The following SEMA6D variants were observed in gnomAD, a reference collection of about 807,000 sequenced individuals.
The protein encoded by SEMA6D is semaphorin 6D.
Under a neutral mutation model 106.6 loss-of-function variants are expected in SEMA6D, and 35 were observed. That is an observed-to-expected ratio of 0.33 (90% CI 0.25 to 0.44). The LOEUF (loss-of-function observed/expected upper bound fraction) is 0.44, where lower values mean the gene tolerates loss of function less well. Ranked by LOEUF, SEMA6D falls within the 20% of genes least tolerant of loss-of-function variation. SEMA6D has a pLI of 1.00. For missense variants in SEMA6D, 1,185 were observed against 1,345.9 expected (o/e 0.88, Z 1.87); for synonymous variants, 499 against 487.7 (o/e 1.02, Z -0.31).
At chr15:47,503,460 G>A (rs2043925643) in intron 3 of SEMA6D, among the ~76,000 whole-genome samples, 1 of 152,196 alleles carries the variant, frequency 6.6e-6, no homozygotes, top group South Asian at 2.1e-4. Flanking sequence ...TCCTTAACCA[G>A]CTAGATGACT....
At chr15:47,487,209 C>A (rs949658425) in intron 3 of SEMA6D, among the ~76,000 whole-genome samples, 2 of 152,144 alleles carry the variant, frequency 1.3e-5, no homozygotes, top group Non-Finnish European at 2.9e-5. Context: ...TGACATTGTG[C>A]AAGAGATGTG....
intron 1 of SEMA6D, among the ~76,000 whole-genome samples, chr15:47,194,400 C>G (rs553953189): frequency 2.9e-4 from 44 of 152,044 alleles, no homozygotes; most frequent in Middle Eastern, 3.4e-3. Flanking sequence ...GACTGGGGGA[C>G]TCTAGACTTG....
chr15:47,604,231 A>C (rs551092555), intron 4 of SEMA6D: 1 of 152,354 alleles, frequency 6.6e-6, no homozygotes, highest in East Asian at 1.9e-4. Flanking sequence ...ACTTTAAAAA[A>C]TAAAGAAGAG....
At position 47,773,976 on chromosome 15, in the gene SEMA6D, A is replaced by G. The variant is rs994027650; in HGVS notation, c.*2191A>G. 1 of 152,656 alleles carries G rather than the reference A, an allele frequency of 6.6e-6. No homozygotes were observed. The highest frequency in any genetic ancestry group is 1.9e-4 in the East Asian group (1 of 5,184). 9.5% of individuals were successfully genotyped at this position (152,656 alleles called of 1,614,324 possible). A position where few individuals can be genotyped will look rare whatever the true frequency, so the allele number is the denominator to read the frequency against. ...TGTTGAAATTTCTAACATTAAATCT[A>G]GTCTCTATCCTGTTAATTTAATTTT... On this transcript the variant is annotated 3_prime_UTR_variant, in exon 19 of 19. Coordinates refer to ENST00000536845, the MANE Select transcript of SEMA6D (RefSeq NM_001358351.3).
At chr15:47,229,067 C>G (rs1406947209) in intron 1 of SEMA6D, among the ~76,000 whole-genome samples, 1 of 152,004 alleles carries the variant, frequency 6.6e-6, no homozygotes, top group Non-Finnish European at 1.5e-5. Context: ...TATTGTCTTA[C>G]TGAGCGTATA....
chr15:47,352,625 A>G (rs540505530), intron 1 of SEMA6D, among the ~76,000 whole-genome samples: 63 of 152,336 alleles, frequency 4.1e-4, no homozygotes, highest in Admixed American at 1.3e-3. Flanking sequence ...TCCATCCTCA[A>G]TTGTACATTG....
intron 1 of SEMA6D, among the ~76,000 whole-genome samples, chr15:47,220,888 G>T (rs1025506474): frequency 6.6e-6 from 1 of 152,172 alleles, no homozygotes; most frequent in African/African-American, 2.4e-5. Flanking sequence ...TTGATTTTGA[G>T]ATGATAGATT....
At chr15:47,427,137 T>C (rs1311982626) in intron 2 of SEMA6D, among the ~76,000 whole-genome samples, 1 of 152,142 alleles carries the variant, frequency 6.6e-6, no homozygotes. Flanking sequence ...TTTAAAGACA[T>C]GACATTGCAA....
intron 3 of SEMA6D, among the ~76,000 whole-genome samples, chr15:47,574,104 A>C (rs1479073857): frequency 6.6e-6 from 1 of 152,118 alleles, no homozygotes; most frequent in African/African-American, 2.4e-5. Context: ...CTGGGTTTCA[A>C]CTCTGGTTTT....
chr15:47,393,108 C>T (rs749505119), intron 1 of SEMA6D, among the ~76,000 whole-genome samples: 73 of 152,150 alleles, frequency 4.8e-4, no homozygotes, highest in Non-Finnish European at 8.8e-4. Context: ...CATATATGGG[C>T]ATTGGAAAAT....
intron 3 of SEMA6D, among the ~76,000 whole-genome samples, chr15:47,586,428 G>A (rs1238119256): frequency 6.6e-6 from 1 of 152,090 alleles, no homozygotes; most frequent in Non-Finnish European, 1.5e-5. Context: ...AGTCTTGGTT[G>A]GGCAAGGCAG....
intron 1 of SEMA6D, among the ~76,000 whole-genome samples, chr15:47,192,307 C>T (rs979213439): frequency 2.6e-5 from 4 of 152,184 alleles, no homozygotes; most frequent in Non-Finnish European, 5.9e-5. Context: ...ACATAATCTA[C>T]CTCCTTTCAA....
intron 1 of SEMA6D, among the ~76,000 whole-genome samples, chr15:47,364,692 C>T (rs1281052224): frequency 6.6e-6 from 1 of 152,034 alleles, no homozygotes; most frequent in Non-Finnish European, 1.5e-5. Context: ...CAGTGCCCCT[C>T]CCCCAATGCT....
rs1469054413 is a variant in SEMA6D at position 47,762,184 on chromosome 15, A to G, written c.539-16A>G. On this transcript the variant is annotated splice_polypyrimidine_tract_variant and intron_variant, in intron 7 of 18. Coordinates refer to ENST00000536845, the MANE Select transcript of SEMA6D (RefSeq NM_001358351.3). ...TAATTATGGTTATCTTACCAAAATT[A>G]TACCTTTGGTTTCAGATGGGAAGCT... 29 of 1,613,420 alleles carry G rather than the reference A, an allele frequency of 1.8e-5. No individual in the cohort carries two copies. The highest frequency in any genetic ancestry group is 4.5e-5 in the East Asian group (2 of 44,866).
chr15:47,351,158 C>T (rs1300967906), intron 1 of SEMA6D, among the ~76,000 whole-genome samples: 1 of 152,094 alleles, frequency 6.6e-6, no homozygotes, highest in Non-Finnish European at 1.5e-5. Flanking sequence ...TGTTCTTTCT[C>T]CTCATTTCTA....
intron 1 of SEMA6D, among the ~76,000 whole-genome samples, chr15:47,747,658 T>A (rs1466757439): frequency 6.6e-6 from 1 of 152,200 alleles, no homozygotes; most frequent in East Asian, 1.9e-4. Context: ...CTCCCCTTTC[T>A]TCTCTCCCAT....
chr15:47,372,870 C>T (rs1050458585), intron 1 of SEMA6D, among the ~76,000 whole-genome samples: 3 of 152,136 alleles, frequency 2.0e-5, no homozygotes, highest in Admixed American at 6.5e-5. Flanking sequence ...TGCCCAGGGT[C>T]ATTTTCAGGC....
chr15:47,209,564 A>G (rs1290908418), intron 1 of SEMA6D, among the ~76,000 whole-genome samples: 1 of 152,218 alleles, frequency 6.6e-6, no homozygotes, highest in Non-Finnish European at 1.5e-5. Flanking sequence ...ATTCACTGCT[A>G]CGCTGTAACA....
chr15:47,657,739 T>C (rs2077828427), intron 4 of SEMA6D, among the ~76,000 whole-genome samples: 1 of 105,866 alleles, frequency 9.4e-6, no homozygotes, highest in African/African-American at 3.8e-5. Flanking sequence ...TTTTTTTTTT[T>C]TTTTTTTTTT....
Sources: allele counts gnomAD v4.1 joint callset (sites outside exome capture counted in the v4.1 genomes callset), GRCh38; gene constraint gnomAD v4.1.1; transcripts MANE v1.5; gene names NCBI Gene and HGNC (gene_info 2026-07-23, HGNC 2026-07-21).